The following METTL15 variants were observed in gnomAD, a reference collection of about 807,000 sequenced individuals.
The protein encoded by METTL15 is 12S rRNA N(4)-cytidine methyltransferase METTL15.
A neutral mutation model predicts 38.3 loss-of-function variants in METTL15; 34 were observed. The ratio of observed to expected loss-of-function variants is 0.89; its 90% CI spans 0.68 to 1.18. The LOEUF (loss-of-function observed/expected upper bound fraction) is 1.18. Among genes scored for constraint, METTL15 ranks in the 50% most tolerant of loss-of-function variants. The probability of loss-of-function intolerance (pLI) is 0.00; values close to 1 mark genes in which losing one functional copy is unlikely to be tolerated. For missense variants in METTL15, 438 were observed against 498.4 expected, an observed-to-expected ratio of 0.88 and a Z score of 1.15; for synonymous variants, 162 against 170.9, an observed-to-expected ratio of 0.95 and a Z score of 0.41.
chr11:28,528,704 C>T (rs1851827801), downstream of METTL15, among the ~76,000 whole-genome samples: 1 of 152,072 alleles, frequency 6.6e-6, no homozygotes, highest in Admixed American at 6.6e-5. Flanking sequence ...GGACAAAAAC[C>T]TTATTTTTTC....
chr11:28,289,047 T>TTA (rs1183130596), intron 4 of METTL15, among the ~76,000 whole-genome samples: 2 of 152,110 alleles, frequency 1.3e-5, no homozygotes, highest in African/African-American at 4.8e-5. Context: ...AACAATTGAC[T>TTA]TGTGAGTTGC....
chr11:28,434,119 GA>G (rs1156593857), intron 6 of METTL15, among the ~76,000 whole-genome samples: 2 of 152,098 alleles, frequency 1.3e-5, no homozygotes, highest in East Asian at 3.9e-4. Context: ...TTGAATCATG[GA>G]AGCAGTTTTT....
intron 5 of METTL15, 108 bp downstream of exon 5, chr11:28,290,505 T>A: frequency 1.1e-6 from 1 of 901,120 alleles, no homozygotes; most frequent in South Asian, 1.7e-5. Flanking sequence ...TGCCTACACC[T>A]AACACTACCA....
chr11:28,163,289 A>G (rs750385006), intron 3 of METTL15: 1 of 397,440 alleles, frequency 2.5e-6, no homozygotes, highest in Non-Finnish European at 4.4e-6. Flanking sequence ...AAGAAAAAAA[A>G]GTATGGCATA....
At chr11:28,308,183 T>G (rs1857146442) in intron 6 of METTL15, among the ~76,000 whole-genome samples, 1 of 152,246 alleles carries the variant, frequency 6.6e-6, no homozygotes, top group African/African-American at 2.4e-5. Flanking sequence ...ATTCTTTCTG[T>G]TTCTCTGATT....
chr11:28,476,633 T>G (rs1371744864), intron 6 of METTL15, among the ~76,000 whole-genome samples: 1 of 152,204 alleles, frequency 6.6e-6, no homozygotes, highest in Non-Finnish European at 1.5e-5. Flanking sequence ...AGAAACTATA[T>G]TTCCTTTCAG....
At chr11:28,255,632 G>GA (rs1448048856) in intron 4 of METTL15, among the ~76,000 whole-genome samples, 1 of 152,152 alleles carries the variant, frequency 6.6e-6, no homozygotes, top group Non-Finnish European at 1.5e-5. Flanking sequence ...TCAGTACCCA[G>GA]TTTTTTAAAG....
intron 3 of METTL15, among the ~76,000 whole-genome samples, chr11:28,161,631 T>C (rs1850467373): frequency 6.6e-6 from 1 of 152,116 alleles, no homozygotes; most frequent in African/African-American, 2.4e-5. Context: ...TTGGGCCTTA[T>C]TTTAATTGTA....
At chr11:28,515,022 A>C (rs925594608) in intron 6 of METTL15, among the ~76,000 whole-genome samples, 1 of 152,266 alleles carries the variant, frequency 6.6e-6, no homozygotes, top group Admixed American at 6.5e-5. Flanking sequence ...ATCTATGTAC[A>C]TTAAGTATGG....
intron 6 of METTL15, among the ~76,000 whole-genome samples, chr11:28,306,994 A>C (rs991313657): frequency 2.0e-5 from 3 of 151,912 alleles, no homozygotes; most frequent in Non-Finnish European, 4.4e-5. Flanking sequence ...AATATATTTT[A>C]TATTTCTTAT....
At chr11:28,519,720 C>T (rs1451721168) in intron 6 of METTL15, among the ~76,000 whole-genome samples, 1 of 151,804 alleles carries the variant, frequency 6.6e-6, no homozygotes, top group Non-Finnish European at 1.5e-5. Context: ...TTTTTTTCTC[C>T]TTCACATATT....
intron 6 of METTL15, among the ~76,000 whole-genome samples, chr11:28,506,124 A>G (rs1851625363): frequency 6.6e-6 from 1 of 152,156 alleles, no homozygotes; most frequent in South Asian, 2.1e-4. Flanking sequence ...AATGGAATAA[A>G]CAAATGAAAA....
chr11:28,175,989 G>A (rs1851060171), intron 3 of METTL15, among the ~76,000 whole-genome samples: 3 of 151,888 alleles, frequency 2.0e-5, no homozygotes, highest in South Asian at 4.1e-4. Context: ...AAATTTTGCT[G>A]TAGGGAGGTC....
At chr11:28,307,517 G>C (rs939846252) in intron 6 of METTL15, among the ~76,000 whole-genome samples, 6 of 151,852 alleles carry the variant, frequency 4.0e-5, no homozygotes, top group Non-Finnish European at 7.4e-5. Context: ...CTTGCTATTA[G>C]GTAGACTCAG....
intron 6 of METTL15, among the ~76,000 whole-genome samples, chr11:28,511,384 G>A (rs1851672874): frequency 6.6e-6 from 1 of 152,204 alleles, no homozygotes; most frequent in Admixed American, 6.5e-5. Context: ...ATGTTATTAA[G>A]AGAATCATAA....
At chr11:28,257,729 C>CT (rs1855031278) in intron 4 of METTL15, among the ~76,000 whole-genome samples, 1 of 152,128 alleles carries the variant, frequency 6.6e-6, no homozygotes, top group African/African-American at 2.4e-5. Context: ...AGAATTTCTG[C>CT]TTCTTTTTAA....
chr11:28,217,011 A>T (rs186041434), intron 4 of METTL15, among the ~76,000 whole-genome samples: 1 of 151,930 alleles, frequency 6.6e-6, no homozygotes, highest in African/African-American at 2.4e-5. Flanking sequence ...GAATAGTGCC[A>T]CAATAAACAT....
chr11:28,386,972 A>G (rs1850447491), intron 5 of METTL15, among the ~76,000 whole-genome samples: 1 of 152,018 alleles, frequency 6.6e-6, no homozygotes, highest in African/African-American at 2.4e-5. Flanking sequence ...GTCAAAGAAC[A>G]TATAACAAGG....
At chr11:28,242,273 C>G (rs1854332575) in intron 4 of METTL15, among the ~76,000 whole-genome samples, 1 of 152,066 alleles carries the variant, frequency 6.6e-6, no homozygotes, top group Non-Finnish European at 1.5e-5. Flanking sequence ...TATTGGTTTC[C>G]TCTCATGCTC....
Sources: allele counts gnomAD v4.1 joint callset (sites outside exome capture counted in the v4.1 genomes callset), GRCh38; gene constraint gnomAD v4.1.1; transcripts MANE v1.5; gene names NCBI Gene and HGNC (gene_info 2026-07-23, HGNC 2026-07-21).